Variants in NTRK3 observed in about 807,000 individuals in gnomAD.
NTRK3 encodes the protein neurotrophic receptor tyrosine kinase 3.
NTRK3 carries 24 observed loss-of-function variants against 91.7 expected under a neutral mutation model. That is an observed-to-expected ratio of 0.26 (90% CI 0.19 to 0.37). NTRK3 has a LOEUF of 0.37. NTRK3 is among the 10% of genes least tolerant of loss of function. The pLI, the probability that NTRK3 is intolerant of heterozygous loss-of-function variation, is 1.00. For synonymous variants in NTRK3, 483 were observed against 404.0 expected (o/e 1.20, Z -2.34); for missense variants, 880 against 1,068.9 (o/e 0.82, Z 2.46).
intron 3 of NTRK3, among the ~76,000 whole-genome samples, chr15:88,197,322 G>C (rs8040126): frequency 6.6e-6 from 1 of 152,038 alleles, no homozygotes; most frequent in East Asian, 1.9e-4. Flanking sequence ...TTCTATCTTA[G>C]ACAGCCTCAT....
chr15:88,050,854 T>C (rs1269774001), intron 13 of NTRK3, among the ~76,000 whole-genome samples: 3 of 152,178 alleles, frequency 2.0e-5, no homozygotes, highest in Non-Finnish European at 4.4e-5. Flanking sequence ...TCCAAGACCA[T>C]GTAATCCATC....
rs183652007 is a variant in NTRK3 at position 87,968,857 on chromosome 15, A to G, written c.1586-28104T>C. On this transcript the variant is annotated intron_variant, in intron 14 of 18. Coordinates refer to ENST00000394480, the Ensembl canonical transcript of NTRK3. ...GAATTTCAATTACCCATGCTATAGA[A>G]TCAGGATATGATTATCAACATGAAG... Among the ~76,000 whole-genome samples the G allele has an allele frequency of 1.5e-3, 222 of 152,318 alleles. 8 individuals carry two copies. In the South Asian group the frequency reaches 0.045, roughly 31 times the overall value.
intron 14 of NTRK3, among the ~76,000 whole-genome samples, chr15:88,008,020 C>T (rs962614915): frequency 1.3e-5 from 2 of 152,192 alleles, no homozygotes; most frequent in Non-Finnish European, 2.9e-5. Context: ...TCTAGAGATA[C>T]AGAGATCTAA....
intron 13 of NTRK3, among the ~76,000 whole-genome samples, chr15:88,118,099 G>GT (rs2052307704): frequency 6.6e-6 from 1 of 152,214 alleles, no homozygotes; most frequent in Admixed American, 6.5e-5. Flanking sequence ...TCAGCATGTG[G>GT]TTTTTCTTCC....
chr15:88,214,907 C>T (rs371624762), intron 3 of NTRK3, among the ~76,000 whole-genome samples: 3 of 152,272 alleles, frequency 2.0e-5, no homozygotes, highest in South Asian at 4.1e-4. Context: ...AGAGCAGTGG[C>T]TGGCAGGTGA....
At chr15:88,091,975 G>T (rs546074418) in intron 13 of NTRK3, among the ~76,000 whole-genome samples, 6 of 152,286 alleles carry the variant, frequency 3.9e-5, no homozygotes, top group Admixed American at 1.3e-4. Context: ...TCTGCAAAAG[G>T]CAGCATTTTA....
At chr15:88,143,096 G>A (rs149420332) in intron 6 of NTRK3, among the ~76,000 whole-genome samples, 152 of 152,174 alleles carry the variant, frequency 1.0e-3, no homozygotes, top group African/African-American at 3.5e-3. Flanking sequence ...GGTGGTGCTC[G>A]CCTGTAATTC....
chr15:87,922,363 G>A (rs1290466699), intron 17 of NTRK3, among the ~76,000 whole-genome samples: 2 of 152,146 alleles, frequency 1.3e-5, no homozygotes, highest in Non-Finnish European at 2.9e-5. Context: ...GAGAGCATCT[G>A]ATAAAGCCTC....
chr15:88,198,006 C>T (rs1222700184), intron 3 of NTRK3, among the ~76,000 whole-genome samples: 1 of 152,192 alleles, frequency 6.6e-6, no homozygotes, highest in African/African-American at 2.4e-5. Context: ...ATGCTGAACT[C>T]ATGGAGGCAT....
At chr15:87,904,629 C>T (rs940660033) in intron 17 of NTRK3, among the ~76,000 whole-genome samples, 1 of 152,194 alleles carries the variant, frequency 6.6e-6, no homozygotes. Context: ...AGACTTGTGT[C>T]TAAGGCATGG....
exon 19 of NTRK3, chr15:87,871,242 TAGGAAAATA>T (rs1489857036): frequency 1.3e-5 from 3 of 230,962 alleles, no homozygotes; most frequent in Non-Finnish European, 1.7e-5. Flanking sequence ...GATACTTTCA[TAGGAAAATA>T]AGGAAAATAT....
chr15:88,136,626 G>A lies in NTRK3; in HGVS notation c.623-17C>T, dbSNP rs1174951516. On this transcript the variant is annotated splice_polypyrimidine_tract_variant and intron_variant, in intron 7 of 18. Coordinates refer to ENST00000394480, the Ensembl canonical transcript of NTRK3. ...CAGGAAGGTCTGGGAGCCAGACAAA[G>A]TGGGTGAAAAGACAGGCAAACACTT... The A allele has an allele frequency of 2.5e-6, 4 of 1,610,450 alleles. No homozygotes were observed. In the South Asian group the frequency reaches 4.4e-5, roughly 18 times the overall value.
chr15:87,872,964 T>C (rs1426649327), exon 19 of NTRK3: 1 of 232,930 alleles, frequency 4.3e-6, no homozygotes, highest in Non-Finnish European at 8.5e-6. Flanking sequence ...AAATCAGAAA[T>C]TTTGCTGGTC....
At position 87,880,301 on chromosome 15, in the gene NTRK3, T is replaced by C. The variant is rs55770052; in HGVS notation, c.2261A>G (p.Lys754Arg). The C allele has an allele frequency of 1.1e-4, 170 of 1,614,028 alleles. No homozygotes were observed. Among genetic ancestry groups the C allele is most frequent in the Middle Eastern group, 1.6e-4 (1 of 6,084 alleles). ...GTTTGAGAGTTGGAACCATGGCTGC[T>C]TTCCATAGGTGAAGATCTCCCAGAG... Residue 754 changes from lysine (K) to arginine (R), a missense_variant, in exon 18 of 19, where the codon AAG becomes AGG. This residue lies in a region of NTRK3 where 99 missense variants were observed against 168.9 expected (regional missense o/e 0.59). Transcript: ENST00000394480.
chr15:88,224,885 G>A (rs2050542725), intron 3 of NTRK3, among the ~76,000 whole-genome samples: 1 of 152,230 alleles, frequency 6.6e-6, no homozygotes, highest in South Asian at 2.1e-4. Flanking sequence ...CTTGGCACTG[G>A]AGCTGGAGAA....
chr15:88,141,306 C>T (rs558586264), intron 6 of NTRK3, among the ~76,000 whole-genome samples: 3 of 152,300 alleles, frequency 2.0e-5, no homozygotes, highest in South Asian at 2.1e-4. Flanking sequence ...TCGCACTTGC[C>T]GTAGTGCCAA....
At chr15:88,061,233 GAATA>G (rs1228044348) in intron 13 of NTRK3, among the ~76,000 whole-genome samples, 13 of 152,120 alleles carry the variant, frequency 8.5e-5, no homozygotes, top group Admixed American at 3.3e-4. Flanking sequence ...TAAAATAAAT[GAATA>G]AATTTAACTT....
intron 13 of NTRK3, among the ~76,000 whole-genome samples, chr15:88,094,447 G>A (rs1356940610): frequency 8.0e-6 from 1 of 125,366 alleles, no homozygotes; most frequent in African/African-American, 3.2e-5. Flanking sequence ...CCGCAGTCCC[G>A]ACTGGGCGAC....
intron 14 of NTRK3, among the ~76,000 whole-genome samples, chr15:87,965,098 G>T (rs1018976043): frequency 2.6e-5 from 4 of 152,198 alleles, no homozygotes; most frequent in African/African-American, 7.2e-5. Context: ...ATGTGTATGT[G>T]CATGTGCACG....
Sources: allele counts gnomAD v4.1 joint callset (sites outside exome capture counted in the v4.1 genomes callset), GRCh38; gene constraint gnomAD v4.1.1; regional missense constraint gnomAD v4.1.1; transcripts MANE v1.5; gene names NCBI Gene and HGNC (gene_info 2026-07-23, HGNC 2026-07-21).